IGF2R: variants seen among roughly 807,000 people sequenced by gnomAD.
The protein encoded by IGF2R is insulin like growth factor 2 receptor.
Under a neutral mutation model 270.6 loss-of-function variants are expected in IGF2R, and 91 were observed. That is an observed-to-expected ratio of 0.34 (90% CI 0.28 to 0.40). The LOEUF is 0.40. IGF2R is among the 10% of genes least tolerant of loss of function. The pLI, the probability that IGF2R is intolerant of heterozygous loss-of-function variation, is 1.00. For missense variants in IGF2R, 2,805 were observed against 3,188.3 expected (o/e 0.88, Z 2.90); for synonymous variants, 1,316 against 1,258.9 (o/e 1.05, Z -0.96).
chr6:160,053,163 C>G (rs564214892), intron 19 of IGF2R, among the ~76,000 whole-genome samples: 1 of 152,192 alleles, frequency 6.6e-6, no homozygotes, highest in Non-Finnish European at 1.5e-5. Context: ...AGCAAACTAT[C>G]ATAAGGACAG....
intron 29 of IGF2R, among the ~76,000 whole-genome samples, chr6:160,067,664 G>C (rs1778614337): frequency 6.6e-6 from 1 of 152,232 alleles, no homozygotes; most frequent in South Asian, 2.1e-4. Context: ...GTGGCAGAGT[G>C]TGTGTCTCAC....
At position 160,110,672 on chromosome 6, in the gene IGF2R, A is replaced by G. The variant is rs1347666033; in HGVS notation, c.*5588A>G. 1.3e-5 allele frequency: 2 copies of G among 152,264 alleles called. No homozygotes were observed. The highest frequency in any genetic ancestry group is 2.9e-5 in the Non-Finnish European group (2 of 68,044). 9.4% of individuals were successfully genotyped at this position (152,264 alleles called of 1,614,324 possible). A position where few individuals can be genotyped will look rare whatever the true frequency, so the allele number is the denominator to read the frequency against. ...AGATAGGGAAAAAGCCTCAGTGTCT[A>G]CTGACAAATAAAGATGGATCAAGAA... On this transcript the variant is annotated 3_prime_UTR_variant, in exon 48 of 48. Coordinates refer to ENST00000356956, the MANE Select transcript of IGF2R (RefSeq NM_000876.4).
At chr6:160,035,821 G>A (rs1273093077) in intron 10 of IGF2R, among the ~76,000 whole-genome samples, 1 of 152,186 alleles carries the variant, frequency 6.6e-6, no homozygotes, top group Non-Finnish European at 1.5e-5. Context: ...GCTTAGTGTT[G>A]TCGCTCCGCT....
At position 160,046,519 on chromosome 6, in the gene IGF2R, C is replaced by T; in HGVS notation, c.1925C>T (p.Pro642Leu). ...TTAGGGTTTTCTTTTGACTTATCAC[C>T]TCTCACAAAGAAAAATGGTGCCTAT... ...SQAGFSFDLS[P>L]LTKKNGAYKV... The change falls in exon 15 of 48, where the codon CCT becomes CTT. Residue 642 changes from proline to leucine, a missense_variant. Pro to Leu is a moderately conservative substitution (Grantham distance 98). Around this residue, in one of 2 missense-constraint regions of IGF2R, gnomAD observed 954 missense variants for 981.1 expected, o/e 0.97. Coordinates refer to ENST00000356956, the MANE Select transcript of IGF2R (RefSeq NM_000876.4). 6.2e-7 allele frequency: 1 copy of T among 1,609,972 alleles called. No homozygotes were observed. Among genetic ancestry groups the T allele is most frequent in the Non-Finnish European group, 8.5e-7 (1 of 1,179,034 alleles).
At chr6:160,044,420 TTCTC>T (rs907286115) in intron 12 of IGF2R, 90 bp from the exon 13 acceptor site, 112 of 1,119,852 alleles carry the variant, frequency 1.0e-4, no homozygotes, top group Admixed American at 6.1e-4. Context: ...CTTTCTTTCT[TTCTC>T]TTTCTTTCTT....
At chr6:160,011,583 AAT>A (rs1215884893) in intron 4 of IGF2R, among the ~76,000 whole-genome samples, 1 of 149,622 alleles carries the variant, frequency 6.7e-6, no homozygotes, top group Non-Finnish European at 1.5e-5. Flanking sequence ...GGACTCTTAA[AAT>A]CTACTCTCTT....
intron 2 of IGF2R, among the ~76,000 whole-genome samples, chr6:159,995,285 A>C (rs1784035541): frequency 6.6e-6 from 1 of 151,736 alleles, no homozygotes; most frequent in Non-Finnish European, 1.5e-5. Flanking sequence ...TTTGCATGGA[A>C]TATCTTTTCC....
rs764119319 is a variant in IGF2R, at chr6:160,060,539, C to T, written c.3092-8C>T. On this transcript the variant is annotated splice_region_variant and splice_polypyrimidine_tract_variant and intron_variant, in intron 22 of 47. Transcript: ENST00000356956. The stretch of plus-strand genomic sequence containing the variant: ...GTCTCTTAAAATCTGGGCCTTCTTG[C>T]TTTACAGGTACCGCTGATGCTTTTA... 276 of 1,613,876 alleles carry T rather than the reference C, an allele frequency of 1.7e-4. No homozygotes were observed. The highest frequency in any genetic ancestry group is 3.3e-4 in the Middle Eastern group (2 of 6,084).
chr6:160,036,862 A>G (rs1777838314), intron 10 of IGF2R, among the ~76,000 whole-genome samples: 1 of 152,150 alleles, frequency 6.6e-6, no homozygotes, highest in African/African-American at 2.4e-5. Flanking sequence ...TTTGGTTCCC[A>G]GCTGCCCTAG....
chr6:160,090,101 A>G lies in IGF2R; in HGVS notation c.6653A>G (p.Gln2218Arg). 2 of 1,468,082 alleles carry G rather than the reference A, an allele frequency of 1.4e-6. No individual in the cohort carries two copies. Among genetic ancestry groups the G allele is most frequent in the East Asian group, 5.3e-5 (2 of 37,762 alleles). The allele number at this position is 1,468,082 out of a possible 1,614,324, so 90.9% of individuals were successfully genotyped here. A position where few individuals can be genotyped will look rare whatever the true frequency, so the allele number is the denominator to read the frequency against. Residue 2218 changes from glutamine to arginine, a missense_variant and splice_region_variant, in exon 44 of 48, where the codon CAA becomes CGA. Coordinates refer to ENST00000356956, the MANE Select transcript of IGF2R (RefSeq NM_000876.4). ...TCTGACAAGACCAAGTACTACCTTC[A>G]AGGTAATCCGTGGCTTCCCACAAAG... ...GTSDKTKYYLQDGDLDVVFAS... is the reference protein window; with the variant it reads ...GTSDKTKYYLRDGDLDVVFAS...
intron 7 of IGF2R, among the ~76,000 whole-genome samples, chr6:160,031,830 T>C (rs914013129): frequency 6.6e-6 from 1 of 152,228 alleles, no homozygotes; most frequent in East Asian, 1.9e-4. Flanking sequence ...TGCCCGGTGC[T>C]AAGCCCAGTA....
chr6:160,085,274 C>A, intron 41 of IGF2R, 143 bp downstream of exon 41: 2 of 822,982 alleles, frequency 2.4e-6, no homozygotes, highest in Non-Finnish European at 3.8e-6. Flanking sequence ...GTCTCACAGG[C>A]ATTTTGGCTC....
At chr6:160,067,825 T>G (rs184835723) in intron 29 of IGF2R, among the ~76,000 whole-genome samples, 1 of 152,338 alleles carries the variant, frequency 6.6e-6, no homozygotes, top group East Asian at 1.9e-4. Context: ...GGCCTTGGTT[T>G]TAAACAACAG....
At chr6:160,079,371 A>C (rs1321510185) in intron 37 of IGF2R, among the ~76,000 whole-genome samples, 1 of 152,172 alleles carries the variant, frequency 6.6e-6, no homozygotes, top group African/African-American at 2.4e-5. Flanking sequence ...AGGGAGCAGG[A>C]GGAGCAAGCA....
At chr6:160,042,537 AGCT>A (rs1220747856) in intron 11 of IGF2R, among the ~76,000 whole-genome samples, 1 of 152,176 alleles carries the variant, frequency 6.6e-6, no homozygotes, top group Admixed American at 6.5e-5. Flanking sequence ...GGTGACACTC[AGCT>A]GGTGCCCCCT....
intron 4 of IGF2R, among the ~76,000 whole-genome samples, chr6:160,023,116 A>G (rs1777474064): frequency 6.6e-6 from 1 of 152,160 alleles, no homozygotes; most frequent in Non-Finnish European, 1.5e-5. Context: ...CTGAGGTAGT[A>G]GGGCACTGAA....
At chr6:160,014,812 T>A (rs550249305) in intron 4 of IGF2R, among the ~76,000 whole-genome samples, 7 of 152,236 alleles carry the variant, frequency 4.6e-5, no homozygotes, top group Middle Eastern at 6.3e-3. Flanking sequence ...AACCCAATTA[T>A]AGTCTGTGGC....
chr6:159,989,088 C>A (rs2115181618), intron 1 of IGF2R, among the ~76,000 whole-genome samples: 1 of 152,246 alleles, frequency 6.6e-6, no homozygotes, highest in Non-Finnish European at 1.5e-5. Context: ...GATTGGGCAC[C>A]TGAGTACCCC....
intron 4 of IGF2R, among the ~76,000 whole-genome samples, 186 bp from the exon 5 acceptor site, chr6:160,024,386 A>G (rs1406619013): frequency 2.0e-5 from 3 of 152,130 alleles, no homozygotes; most frequent in Admixed American, 6.5e-5. Context: ...AAGAGAGAAG[A>G]GATACCGAAA....
Sources: gnomAD v4.1 joint callset for allele counts (sites outside exome capture counted in the v4.1 genomes callset) on GRCh38, gnomAD v4.1.1 for gene constraint, gnomAD v4.1.1 regional missense constraint, MANE v1.5 for transcripts, NCBI Gene and HGNC (gene_info 2026-07-23, HGNC 2026-07-21) for gene names.